The following WWOX variants were observed in gnomAD, a reference collection of about 807,000 sequenced individuals.
WWOX encodes WW domain-containing oxidoreductase.
Under a neutral mutation model 46.2 loss-of-function variants are expected in WWOX, and 69 were observed. That is an observed-to-expected ratio of 1.49 (90% CI 1.23 to 1.82). The LOEUF is 1.82. Ranked by LOEUF, WWOX falls within the 40% of genes most tolerant of loss-of-function variation. The probability of loss-of-function intolerance (pLI) is 0.00; values close to 1 mark genes in which losing one functional copy is unlikely to be tolerated. For missense variants in WWOX, 919 were observed against 542.6 expected, an observed-to-expected ratio of 1.69 and a Z score of -6.89; for synonymous variants, 359 against 202.6, an observed-to-expected ratio of 1.77 and a Z score of -6.56.
In WWOX at chr16:78,988,527, T is replaced by A. The variant is rs373717462; in HGVS notation, c.1057-223081T>A. Among the ~76,000 whole-genome samples the A allele has an allele frequency of 2.6e-5, 4 of 152,028 alleles. No individual in the cohort carries two copies. The South Asian group carries it at 8.3e-4, about 32-fold the overall frequency. ...TTGGTTGAGGAATTCAGCCTACCAC[T>A]GGTAATACTCCCTCTCCCCAGGAGA... is the stretch of plus-strand genomic sequence containing the variant. On this transcript the variant is annotated intron_variant, in intron 8 of 8. Coordinates refer to ENST00000566780, the MANE Select transcript of WWOX (RefSeq NM_016373.4).
At chr16:78,406,954 G>C (rs1310749986) in intron 6 of WWOX, among the ~76,000 whole-genome samples, 7 of 152,066 alleles carry the variant, frequency 4.6e-5, no homozygotes, top group African/African-American at 1.4e-4. Context: ...TAAACTCCTT[G>C]GATGCTACCT....
intron 8 of WWOX, among the ~76,000 whole-genome samples, chr16:78,443,897 G>A (rs1307647452): frequency 6.6e-6 from 1 of 152,150 alleles, no homozygotes; most frequent in Non-Finnish European, 1.5e-5. Flanking sequence ...CTGCAACGCA[G>A]TTTAGATATT....
At position 78,156,992 on chromosome 16, in the gene WWOX, G is replaced by C. The variant is rs1403267853; in HGVS notation, c.410-7191G>C. 2.0e-5 allele frequency among the ~76,000 whole-genome samples: 3 copies of C among 152,210 alleles called. No individual in the cohort carries two copies. In the East Asian group the frequency reaches 5.8e-4, roughly 29 times the overall value. On this transcript the variant is annotated intron_variant, in intron 4 of 8. Transcript: ENST00000566780. ...CTGCCTGGCCTTGTGTTATATCGATGCTTTCTCAATCTGTTAAAAACGTAG... is the reference window on the plus strand; with the variant it reads ...CTGCCTGGCCTTGTGTTATATCGATCCTTTCTCAATCTGTTAAAAACGTAG...
intron 8 of WWOX, among the ~76,000 whole-genome samples, chr16:79,019,183 A>AG (rs1486060475): frequency 1.8e-3 from 103 of 55,936 alleles, no homozygotes; most frequent in African/African-American, 0.013. Context: ...AAAAAAAAAA[A>AG]AAGAAAAAAA....
rs530897968 is a variant in WWOX at position 79,152,193 on chromosome 16, G to A, written c.1057-59415G>A. Among the ~76,000 whole-genome samples, 177 of 152,324 alleles carry A rather than the reference G, an allele frequency of 1.2e-3. 1 individual carries two copies. Among genetic ancestry groups the A allele is most frequent in the Admixed American group, 4.9e-3 (75 of 15,310 alleles). Reference sequence around the variant, plus strand: ...TGCTTGCATCCCTCCCCCACGCGAGGCGAGGCCCTGAGGAGCGGGATTCGC... The same window carrying A: ...TGCTTGCATCCCTCCCCCACGCGAGACGAGGCCCTGAGGAGCGGGATTCGC... On this transcript the variant is annotated intron_variant, in intron 8 of 8. Coordinates refer to ENST00000566780, the MANE Select transcript of WWOX (RefSeq NM_016373.4).
At chr16:78,376,797 G>C (rs1373032296) in intron 5 of WWOX, among the ~76,000 whole-genome samples, 1 of 152,160 alleles carries the variant, frequency 6.6e-6, no homozygotes, top group Non-Finnish European at 1.5e-5. Context: ...AGCAGACTCT[G>C]CTCACACTGG....
chr16:79,057,010 A>T (rs540247028), intron 8 of WWOX, among the ~76,000 whole-genome samples: 3 of 152,208 alleles, frequency 2.0e-5, no homozygotes, highest in Non-Finnish European at 2.9e-5. Flanking sequence ...TCACTTTTAC[A>T]AATACGAAGG....
chr16:79,085,419 C>T (rs1361342444), intron 8 of WWOX, among the ~76,000 whole-genome samples: 1 of 152,138 alleles, frequency 6.6e-6, no homozygotes, highest in African/African-American at 2.4e-5. Context: ...CTTTGCTGAG[C>T]TTTGAAAAAG....
intron 5 of WWOX, among the ~76,000 whole-genome samples, chr16:78,336,505 CAAA>C (rs386385163): frequency 2.2e-4 from 16 of 74,252 alleles, no homozygotes; most frequent in African/African-American, 6.6e-4. Flanking sequence ...GACTATGTCT[CAAA>C]AAAAAAAAAA....
intron 8 of WWOX, among the ~76,000 whole-genome samples, chr16:78,471,940 T>C (rs997662548): frequency 3.9e-5 from 6 of 152,198 alleles, no homozygotes; most frequent in Non-Finnish European, 8.8e-5. Flanking sequence ...CTACACATAC[T>C]TCAAATACTA....
At chr16:78,428,475 G>C (rs1053342364) in intron 7 of WWOX, among the ~76,000 whole-genome samples, 1 of 152,192 alleles carries the variant, frequency 6.6e-6, no homozygotes, top group African/African-American at 2.4e-5. Flanking sequence ...CCCTTACAGG[G>C]AAGGGCTCTT....
chr16:79,179,415 A>G (rs1371602601), intron 8 of WWOX, among the ~76,000 whole-genome samples: 1 of 152,218 alleles, frequency 6.6e-6, no homozygotes, highest in Admixed American at 6.5e-5. Context: ...GTAATGCCTG[A>G]CCAACTAATG....
At chr16:78,729,066 G>A (rs987232955) in intron 8 of WWOX, among the ~76,000 whole-genome samples, 1 of 152,162 alleles carries the variant, frequency 6.6e-6, no homozygotes, top group African/African-American at 2.4e-5. Context: ...CATCCTGCTG[G>A]TTTCAGTGGC....
rs71140808 is a variant in WWOX at position 78,527,991 on chromosome 16, C to CTTTTTT, written c.1056+95259_1056+95264dup. 1.3e-3 allele frequency among the ~76,000 whole-genome samples: 47 copies of CTTTTTT among 34,878 alleles called. 6 individuals carry two copies. The highest frequency in any genetic ancestry group is 8.8e-3 in the East Asian group (9 of 1,024). 22.9% of individuals were successfully genotyped at this position (34,878 alleles called of 152,430 possible). On this transcript the variant is annotated intron_variant, in intron 8 of 8. Transcript: ENST00000566780. ...CTATGTCACAGGACTGGTACATGTC[C>CTTTTTT]TTTTTTTTTTTTTTTTTTTTTTTTT...
chr16:78,515,121 G>T (rs998041168), intron 8 of WWOX, among the ~76,000 whole-genome samples: 13 of 152,158 alleles, frequency 8.5e-5, no homozygotes, highest in Admixed American at 7.2e-4. Context: ...CTACTCAGGA[G>T]GCTGAGGCAG....
intron 5 of WWOX, among the ~76,000 whole-genome samples, chr16:78,168,913 A>G (rs1472562349): frequency 6.6e-6 from 1 of 152,190 alleles, no homozygotes; most frequent in Non-Finnish European, 1.5e-5. Context: ...GATGTTTTAG[A>G]TGCTCCAAAG....
chr16:78,247,886 G>C (rs2037861417), intron 5 of WWOX, among the ~76,000 whole-genome samples: 1 of 152,224 alleles, frequency 6.6e-6, no homozygotes, highest in African/African-American at 2.4e-5. Flanking sequence ...ACTGCAGGTG[G>C]AGCCTTGGCG....
At chr16:78,787,680 T>C (rs775045721) in intron 8 of WWOX, among the ~76,000 whole-genome samples, 3 of 152,206 alleles carry the variant, frequency 2.0e-5, no homozygotes, top group Non-Finnish European at 4.4e-5. Context: ...TGGGCATATT[T>C]TGGGGAGTGG....
rs372341419 is a variant in WWOX at position 78,765,045 on chromosome 16, A to C, written c.1056+332293A>C. 3.9e-4 allele frequency among the ~76,000 whole-genome samples: 59 copies of C among 152,334 alleles called. 1 individual carries two copies. The East Asian group carries it at 6.0e-3, about 15-fold the overall frequency. ...AGAACCCAGATCCCTGCCCAACAGGACAGTGGAAGGGAAGTCTCAGCATCT... is the reference window on the plus strand; with the variant it reads ...AGAACCCAGATCCCTGCCCAACAGGCCAGTGGAAGGGAAGTCTCAGCATCT... On this transcript the variant is annotated intron_variant, in intron 8 of 8. Transcript: ENST00000566780.
Sources: gnomAD v4.1 joint callset for allele counts (sites outside exome capture counted in the v4.1 genomes callset) on GRCh38, gnomAD v4.1.1 for gene constraint, MANE v1.5 for transcripts, NCBI Gene and HGNC (gene_info 2026-07-23, HGNC 2026-07-21) for gene names.